The following HERC1 variants were observed in gnomAD, a reference collection of about 807,000 sequenced individuals.
The protein encoded by HERC1 is probable E3 ubiquitin-protein ligase HERC1.
Under a neutral mutation model 554.3 loss-of-function variants are expected in HERC1, and 160 were observed. The observed-to-expected ratio is 0.29, with a 90% CI of 0.25 to 0.33. HERC1 has a LOEUF of 0.33. Among genes scored for constraint, HERC1 ranks in the 10% least tolerant of loss-of-function variants. HERC1 has a pLI of 1.00. For missense variants in HERC1, 4,919 were observed against 5,918.5 expected, an observed-to-expected ratio of 0.83 and a Z score of 5.54; for synonymous variants, 2,175 against 2,131.7, an observed-to-expected ratio of 1.02 and a Z score of -0.56.
intron 3 of HERC1, among the ~76,000 whole-genome samples, chr15:63,760,327 T>C (rs1027410070): frequency 1.4e-5 from 2 of 144,554 alleles, no homozygotes; most frequent in African/African-American, 2.6e-5. Flanking sequence ...TACGTAGAAA[T>C]AAGCAACAGA....
At chr15:63,638,571 T>TC in intron 62 of HERC1, 35 bp from the exon 63 acceptor site, 1 of 1,613,474 alleles carries the variant, frequency 6.2e-7, no homozygotes, top group Middle Eastern at 1.7e-4. Flanking sequence ...ATTAGAGTCA[T>TC]CCATTCACTC....
intron 1 of HERC1, among the ~76,000 whole-genome samples, chr15:63,805,018 G>A (rs2077096198): frequency 6.6e-6 from 1 of 152,094 alleles, no homozygotes; most frequent in African/African-American, 2.4e-5. Flanking sequence ...AAACTGCTTG[G>A]CAGTTTATCA....
At chr15:63,778,502 G>C (rs749808245) in intron 1 of HERC1, among the ~76,000 whole-genome samples, 1 of 152,150 alleles carries the variant, frequency 6.6e-6, no homozygotes, top group Non-Finnish European at 1.5e-5. Flanking sequence ...AAAAGGAAGA[G>C]AGAAGCATGC....
At position 63,724,323 on chromosome 15, in the gene HERC1, A is replaced by G. The variant is rs915082913; in HGVS notation, c.3569-968T>C. Among the ~76,000 whole-genome samples the G allele has an allele frequency of 5.9e-5, 9 of 152,288 alleles. No homozygotes were observed. In the South Asian group the frequency reaches 1.7e-3, roughly 28 times the overall value. Reference sequence around the variant, plus strand: ...GAAAAACCATGATTTTACTTTCTTTAACAAAATGTTTCATAAACACCAGTC... The same window carrying G: ...GAAAAACCATGATTTTACTTTCTTTGACAAAATGTTTCATAAACACCAGTC... On this transcript the variant is annotated intron_variant, in intron 18 of 77. Transcript: ENST00000443617.
At position 63,651,476 on chromosome 15, in the gene HERC1, G is replaced by A. The variant is rs1486201286; in HGVS notation, c.10419-96C>T. Reference sequence around the variant, plus strand: ...AAATAAGGGTTTCATATAGACTAGAGTGTATAACTGATTCTTCTGTTTCAA... The same window carrying A: ...AAATAAGGGTTTCATATAGACTAGAATGTATAACTGATTCTTCTGTTTCAA... On this transcript the variant is annotated intron_variant, in intron 52 of 77. Coordinates refer to ENST00000443617, the MANE Select transcript of HERC1 (RefSeq NM_003922.4). 11 of 1,121,758 alleles carry A rather than the reference G, an allele frequency of 9.8e-6. No homozygotes were observed. In the South Asian group the frequency reaches 1.3e-4, roughly 13 times the overall value. The allele number at this position is 1,121,758 out of a possible 1,614,324, so 69.5% of individuals were successfully genotyped here.
chr15:63,733,314 G>A (rs2074372437), intron 13 of HERC1, among the ~76,000 whole-genome samples, 169 bp from the exon 14 acceptor site: 1 of 152,080 alleles, frequency 6.6e-6, no homozygotes, highest in African/African-American at 2.4e-5. Context: ...TTTAGGAAAT[G>A]GGATTTAGGA....
At chr15:63,762,509 G>C (rs1446529189) in intron 3 of HERC1, among the ~76,000 whole-genome samples, 1 of 151,994 alleles carries the variant, frequency 6.6e-6, no homozygotes, top group African/African-American at 2.4e-5. Context: ...ATTTTTAATA[G>C]AGACTAGGTT....
chr15:63,731,063 G>T (rs1001549294), intron 14 of HERC1, among the ~76,000 whole-genome samples: 3 of 151,930 alleles, frequency 2.0e-5, no homozygotes, highest in Non-Finnish European at 4.4e-5. Flanking sequence ...CTTTTCCAAT[G>T]GAATCATAAA....
rs1198560724 is a variant in HERC1 at position 63,635,967 on chromosome 15, C to A, written c.12408G>T (p.Val4136=). ...TATCCATTTCCTGCCTGACCTGCAC[C>A]ACTTCTTCTCCTTGTAAGGCCTCGA... The part of the protein sequence containing the change: ...RQIEALQGEE[V]VQMSCGFKHS... Residue 4136 remains valine, a synonymous_variant, in exon 65 of 78, where the codon GTG becomes GTT. Coordinates refer to ENST00000443617, the MANE Select transcript of HERC1 (RefSeq NM_003922.4). The A allele has an allele frequency of 1.9e-6, 3 of 1,613,780 alleles. No homozygotes were observed. In the South Asian group the frequency reaches 3.3e-5, roughly 18 times the overall value.
intron 17 of HERC1, among the ~76,000 whole-genome samples, chr15:63,725,922 C>T (rs1399628332): frequency 6.6e-6 from 1 of 151,978 alleles, no homozygotes; most frequent in Non-Finnish European, 1.5e-5. Flanking sequence ...CTTTTTAAGG[C>T]CTGAATTCAG....
intron 1 of HERC1, among the ~76,000 whole-genome samples, chr15:63,776,370 T>C (rs888394586): frequency 6.6e-5 from 10 of 152,194 alleles, no homozygotes; most frequent in Non-Finnish European, 1.3e-4. Context: ...GGTAACTCCA[T>C]CCTTCTAGTT....
chr15:63,751,752 T>C (rs562797682), intron 8 of HERC1, among the ~76,000 whole-genome samples: 90 of 152,316 alleles, frequency 5.9e-4, no homozygotes, highest in African/African-American at 2.1e-3. Flanking sequence ...TTTGATTTCA[T>C]ATAACTTAAG....
At chr15:63,780,027 A>AC (rs1315894497) in intron 1 of HERC1, 1 of 151,610 alleles carries the variant, frequency 6.6e-6, no homozygotes, top group African/African-American at 2.4e-5. Flanking sequence ...AAAAAAAAAA[A>AC]AAAAAGATTA....
chr15:63,820,332 T>G (rs1378486276), intron 1 of HERC1, among the ~76,000 whole-genome samples: 1 of 152,220 alleles, frequency 6.6e-6, no homozygotes, highest in African/African-American at 2.4e-5. Flanking sequence ...ACTATGATCA[T>G]ATTACTGACT....
At chr15:63,723,139 T>G in intron 19 of HERC1, 43 bp downstream of exon 19, 47 of 1,261,660 alleles carry the variant, frequency 3.7e-5, no homozygotes, top group Non-Finnish European at 4.6e-5. Context: ...GCGAGCATTA[T>G]GAGCTAACTA....
intron 1 of HERC1, among the ~76,000 whole-genome samples, chr15:63,800,680 T>C (rs924645761): frequency 6.6e-6 from 1 of 152,220 alleles, no homozygotes; most frequent in Non-Finnish European, 1.5e-5. Flanking sequence ...TGCAATTATA[T>C]ATAATTTGTG....
At chr15:63,822,638 A>G (rs1040891334) in intron 1 of HERC1, among the ~76,000 whole-genome samples, 3 of 152,152 alleles carry the variant, frequency 2.0e-5, no homozygotes, top group African/African-American at 4.8e-5. Context: ...GATGTCATCT[A>G]AAGTATTAAG....
chr15:63,786,518 T>C (rs1336387302), intron 1 of HERC1, among the ~76,000 whole-genome samples: 1 of 152,066 alleles, frequency 6.6e-6, no homozygotes, highest in Non-Finnish European at 1.5e-5. Flanking sequence ...CATCAAGATA[T>C]GAATGAATAA....
intron 1 of HERC1, among the ~76,000 whole-genome samples, chr15:63,782,797 G>C (rs1484767087): frequency 6.6e-6 from 1 of 152,202 alleles, no homozygotes; most frequent in Admixed American, 6.5e-5. Context: ...AAAGGCCAAA[G>C]TATCAATATT....
Sources: allele counts gnomAD v4.1 joint callset (sites outside exome capture counted in the v4.1 genomes callset), GRCh38; gene constraint gnomAD v4.1.1; transcripts MANE v1.5; gene names NCBI Gene and HGNC (gene_info 2026-07-23, HGNC 2026-07-21).